PTPRD: variants seen among roughly 807,000 people sequenced by gnomAD.
The protein encoded by PTPRD is receptor-type tyrosine-protein phosphatase delta.
In PTPRD, 34 loss-of-function variants were observed where a neutral mutation model predicts 214.5. That is an observed-to-expected ratio of 0.16 (90% CI 0.12 to 0.21). PTPRD has a LOEUF of 0.21. Ranked by LOEUF, PTPRD falls within the 10% of genes least tolerant of loss-of-function variation. PTPRD has a pLI of 1.00. For synonymous variants in PTPRD, 1,128 were observed against 845.7 expected (o/e 1.33, Z -5.79); for missense variants, 2,545 against 2,398.7 (o/e 1.06, Z -1.27).
chr9:10,399,524 G>A (rs2098234375), intron 2 of PTPRD, among the ~76,000 whole-genome samples: 1 of 151,460 alleles, frequency 6.6e-6, no homozygotes, highest in Admixed American at 6.6e-5. Context: ...AGAACCACAT[G>A]AAACTAGTTT....
intron 5 of PTPRD, among the ~76,000 whole-genome samples, chr9:9,889,363 G>C (rs1168763259): frequency 6.6e-6 from 1 of 151,764 alleles, no homozygotes; most frequent in Non-Finnish European, 1.5e-5. Context: ...AAAACATCAT[G>C]GCATACATAA....
Position 8,560,440 on chromosome 9 carries a change from T to TACACAC in PTPRD, c.353-31667_353-31662dup, listed in dbSNP as rs71317370. Among the ~76,000 whole-genome samples the TACACAC allele has an allele frequency of 9.0e-3, 1,296 of 143,366 alleles. 21 individuals are homozygous for TACACAC. The highest frequency in any genetic ancestry group is 0.032 in the African/African-American group (1,245 of 38,720). The allele number at this position is 143,366 out of a possible 152,430, so 94.1% of individuals were successfully genotyped here. On this transcript the variant is annotated intron_variant, in intron 14 of 45. Transcript: ENST00000381196. The stretch of plus-strand genomic sequence containing the variant: ...CAGTACCAACTTAAAAAAAAATACA[T>TACACAC]ACACACACACACACACACACACACA...
At chr9:8,438,920 T>C (rs924553026) in intron 34 of PTPRD, 1 of 152,174 alleles carries the variant, frequency 6.6e-6, no homozygotes, top group Non-Finnish European at 1.5e-5. Flanking sequence ...TATTTACTTG[T>C]GGCATGCACT....
intron 11 of PTPRD, among the ~76,000 whole-genome samples, chr9:8,927,154 A>G (rs2098904735): frequency 6.6e-6 from 1 of 152,130 alleles, no homozygotes; most frequent in African/African-American, 2.4e-5. Context: ...AGCTTGAAAT[A>G]AGAGTCCTAC....
intron 44 of PTPRD, among the ~76,000 whole-genome samples, chr9:8,330,571 T>C (rs111810348): frequency 0.15 from 9,948 of 65,394 alleles, 1,064 homozygotes; most frequent in African/African-American, 0.52. Flanking sequence ...CAATAGAAAG[T>C]AGAAAGCAAA....
intron 11 of PTPRD, among the ~76,000 whole-genome samples, chr9:8,944,549 C>T (rs539917555): frequency 6.6e-5 from 10 of 152,026 alleles, no homozygotes; most frequent in Non-Finnish European, 1.0e-4. Context: ...CGTACATATA[C>T]GCCATGAAGT....
intron 8 of PTPRD, among the ~76,000 whole-genome samples, chr9:9,484,289 A>T (rs1265598443): frequency 2.0e-5 from 3 of 152,074 alleles, no homozygotes; most frequent in Non-Finnish European, 2.9e-5. Flanking sequence ...TGAATGAGAG[A>T]TGCCAGGCAT....
intron 11 of PTPRD, among the ~76,000 whole-genome samples, chr9:8,870,238 T>C (rs1480996015): frequency 6.6e-6 from 1 of 151,760 alleles, no homozygotes; most frequent in Non-Finnish European, 1.5e-5. Flanking sequence ...TGCCATCTCA[T>C]ATATAACATG....
intron 2 of PTPRD, among the ~76,000 whole-genome samples, chr9:10,350,836 G>A (rs916433348): frequency 6.6e-6 from 1 of 152,146 alleles, no homozygotes; most frequent in African/African-American, 2.4e-5. Flanking sequence ...AGCGTGGTGG[G>A]ATACAGCTAT....
chr9:10,464,758 A>G (rs895592990), intron 2 of PTPRD, among the ~76,000 whole-genome samples: 5 of 152,154 alleles, frequency 3.3e-5, no homozygotes, highest in Admixed American at 6.5e-5. Context: ...CCCAGAGATA[A>G]AAGGATATTT....
At position 10,047,340 on chromosome 9, in the gene PTPRD, G is replaced by A. The variant is rs554089303; in HGVS notation, c.-544-13550C>T. On this transcript the variant is annotated intron_variant, in intron 3 of 45. Coordinates refer to ENST00000381196, the MANE Select transcript of PTPRD (RefSeq NM_002839.4). ...TGTGTGTGTGTGTGTGTGTGTGTGC[G>A]TGTGTGTGTGTGCTTGTGTGATAAT... Among the ~76,000 whole-genome samples, 101 of 146,654 alleles carry A rather than the reference G, an allele frequency of 6.9e-4. 1 individual carries two copies. In the East Asian group the frequency reaches 0.015, roughly 23 times the overall value.
chr9:8,325,083 C>A (rs1420451315), intron 44 of PTPRD, among the ~76,000 whole-genome samples: 1 of 136,506 alleles, frequency 7.3e-6, no homozygotes, highest in African/African-American at 2.8e-5. Context: ...TTATGCTGTG[C>A]AGAAGCTCTT....
chr9:8,428,715 G>C (rs2094853134), intron 35 of PTPRD, among the ~76,000 whole-genome samples: 1 of 152,068 alleles, frequency 6.6e-6, no homozygotes, highest in South Asian at 2.1e-4. Flanking sequence ...TCTTGTTTTT[G>C]TTTGTATGAT....
intron 2 of PTPRD, among the ~76,000 whole-genome samples, chr9:10,451,259 ATAAAT>A (rs920130829): frequency 8.6e-5 from 13 of 151,984 alleles, no homozygotes; most frequent in Non-Finnish European, 1.6e-4. Context: ...AAGCAGAGAA[ATAAAT>A]TATTGTTACA....
chr9:8,937,181 T>C (rs12005861), intron 11 of PTPRD, among the ~76,000 whole-genome samples: 2,944 of 152,208 alleles, frequency 0.019, 100 homozygotes, highest in African/African-American at 0.068. Context: ...CTCCAAACAA[T>C]TTGAGACAGT....
At chr9:9,961,693 G>T (rs2094377049) in intron 4 of PTPRD, among the ~76,000 whole-genome samples, 1 of 152,174 alleles carries the variant, frequency 6.6e-6, no homozygotes, top group African/African-American at 2.4e-5. Context: ...GCAATTCCAT[G>T]CCTTCACTTA....
chr9:9,340,184 G>T (rs1166219107), intron 9 of PTPRD, among the ~76,000 whole-genome samples: 3 of 152,124 alleles, frequency 2.0e-5, no homozygotes, highest in Non-Finnish European at 4.4e-5. Context: ...TGGCTGAAAT[G>T]GAGGAAAATT....
At chr9:8,839,434 C>G (rs2097513187) in intron 11 of PTPRD, among the ~76,000 whole-genome samples, 1 of 152,168 alleles carries the variant, frequency 6.6e-6, no homozygotes, top group South Asian at 2.1e-4. Context: ...AAGCAATTCT[C>G]CTGCCTCAGC....
chr9:10,503,084 G>T (rs567991453), intron 2 of PTPRD, among the ~76,000 whole-genome samples: 2 of 149,650 alleles, frequency 1.3e-5, no homozygotes, highest in South Asian at 4.2e-4. Flanking sequence ...CCACAACTCG[G>T]TCCAATACTC....
Sources: gnomAD v4.1 joint callset for allele counts (sites outside exome capture counted in the v4.1 genomes callset) on GRCh38, gnomAD v4.1.1 for gene constraint, MANE v1.5 for transcripts, NCBI Gene and HGNC (gene_info 2026-07-23, HGNC 2026-07-21) for gene names.